ENOX1: variants seen among roughly 807,000 people sequenced by gnomAD.
ENOX1 encodes candidate growth-related and time keeping constitutive hydroquinone (NADH) oxidase.
ENOX1 carries 42 observed loss-of-function variants against 82.5 expected under a neutral mutation model. The observed-to-expected ratio is 0.51, with a 90% CI of 0.40 to 0.66. The LOEUF (loss-of-function observed/expected upper bound fraction) is 0.66. Ranked by LOEUF, ENOX1 falls within the 30% of genes least tolerant of loss-of-function variation. The pLI, the probability that ENOX1 is intolerant of heterozygous loss-of-function variation, is 0.00. For missense variants in ENOX1, 608 were observed against 811.6 expected (o/e 0.75, Z 3.05); for synonymous variants, 271 against 282.2 (o/e 0.96, Z 0.40).
Position 43,413,003 on chromosome 13 carries a change from A to C in ENOX1, c.-74-15T>G. 1.0e-5 allele frequency: 16 copies of C among 1,544,614 alleles called. No individual in the cohort carries two copies. Among genetic ancestry groups the C allele is most frequent in the Non-Finnish European group, 1.3e-5 (15 of 1,145,218 alleles). ...GTCATCAGATTCTGCAAAACGGGAC[A>C]GAAGTGTGGTGAGAAACCTTAATAG... On this transcript the variant is annotated splice_polypyrimidine_tract_variant and intron_variant, in intron 3 of 16. Coordinates refer to ENST00000690772, the MANE Select transcript of ENOX1 (RefSeq NM_001347969.2).
intron 2 of ENOX1, among the ~76,000 whole-genome samples, chr13:43,593,697 C>T: frequency 6.8e-6 from 1 of 147,020 alleles, no homozygotes; most frequent in Non-Finnish European, 1.5e-5. Flanking sequence ...CACACACACA[C>T]ACACACACAC....
chr13:43,482,491 T>C (rs1392866544), intron 3 of ENOX1, among the ~76,000 whole-genome samples: 10 of 150,908 alleles, frequency 6.6e-5, no homozygotes, highest in Non-Finnish European at 1.5e-4. Context: ...AAACAGGGAG[T>C]TGCTTTACAA....
At chr13:43,287,010 G>A (rs544282975) in intron 12 of ENOX1, among the ~76,000 whole-genome samples, 1 of 152,286 alleles carries the variant, frequency 6.6e-6, no homozygotes, top group Non-Finnish European at 1.5e-5. Flanking sequence ...AAGCCATGGT[G>A]TGGGGTTATA....
intron 12 of ENOX1, among the ~76,000 whole-genome samples, chr13:43,278,176 ATATG>A (rs2045171117): frequency 6.6e-6 from 1 of 152,194 alleles, no homozygotes; most frequent in African/African-American, 2.4e-5. Context: ...AGATTTAATA[ATATG>A]TATGTAATCT....
chr13:43,216,645 T>C lies in ENOX1; in HGVS notation c.1801-2524A>G, dbSNP rs7323458. 9.0e-3 allele frequency among the ~76,000 whole-genome samples: 1,369 copies of C among 152,146 alleles called. 17 individuals carry two copies. Among genetic ancestry groups the C allele is most frequent in the African/African-American group, 0.027 (1,141 of 41,496 alleles). ...TCAAATTCAAGTGCCACCCCTGGCA[T>C]GTCCTTCCCCAGATCAAGGAGAGGC... On this transcript the variant is annotated intron_variant, in intron 16 of 16. Transcript: ENST00000690772.
intron 2 of ENOX1, among the ~76,000 whole-genome samples, chr13:43,584,618 T>C (rs1010693721): frequency 1.3e-5 from 2 of 152,176 alleles, no homozygotes; most frequent in Non-Finnish European, 2.9e-5. Context: ...ACTTTCAATA[T>C]AAAGCAGTTA....
At chr13:43,437,113 A>T (rs2056077727) in intron 3 of ENOX1, among the ~76,000 whole-genome samples, 1 of 152,216 alleles carries the variant, frequency 6.6e-6, no homozygotes, top group South Asian at 2.1e-4. Flanking sequence ...ATATTTTTTA[A>T]AGTCTTCAAA....
chr13:43,345,843 G>C (rs2049345537), intron 8 of ENOX1, among the ~76,000 whole-genome samples: 1 of 152,088 alleles, frequency 6.6e-6, no homozygotes, highest in South Asian at 2.1e-4. Context: ...AGCAAAATTA[G>C]ATTGAAAGAT....
chr13:43,657,529 A>G (rs1009175217), intron 2 of ENOX1, among the ~76,000 whole-genome samples: 1 of 152,222 alleles, frequency 6.6e-6, no homozygotes, highest in Non-Finnish European at 1.5e-5. Flanking sequence ...GGCACTAGAA[A>G]CATCCATGGA....
chr13:43,259,474 C>CTTCT (rs2043932543), intron 14 of ENOX1, among the ~76,000 whole-genome samples: 1 of 152,052 alleles, frequency 6.6e-6, no homozygotes, highest in African/African-American at 2.4e-5. Context: ...GCTCATTTTC[C>CTTCT]TTCTTTTTTT....
chr13:43,470,286 A>ATATACACATATATATACG (rs2057951470), intron 3 of ENOX1, among the ~76,000 whole-genome samples: 1 of 33,210 alleles, frequency 3.0e-5, no homozygotes, highest in African/African-American at 7.9e-5. Context: ...ATATATACAT[A>ATATACACATATATATACG]TATATATACA....
intron 1 of ENOX1, among the ~76,000 whole-genome samples, chr13:43,784,320 G>A (rs1016940495): frequency 1.3e-5 from 2 of 152,106 alleles, no homozygotes; most frequent in Non-Finnish European, 2.9e-5. Flanking sequence ...GGAAATCAAG[G>A]TATGAACTAG....
chr13:43,624,434 AAT>A (rs1389569852), intron 2 of ENOX1, among the ~76,000 whole-genome samples: 14 of 152,192 alleles, frequency 9.2e-5, no homozygotes, highest in African/African-American at 3.4e-4. Flanking sequence ...AATGAAGTGA[AAT>A]TTTTCCTTGC....
intron 2 of ENOX1, among the ~76,000 whole-genome samples, chr13:43,628,289 C>T (rs564766925): frequency 6.6e-6 from 1 of 152,204 alleles, no homozygotes; most frequent in East Asian, 1.9e-4. Context: ...TCATTATTTG[C>T]TTATCATTAT....
At chr13:43,539,205 A>G (rs1375926254) in intron 2 of ENOX1, among the ~76,000 whole-genome samples, 1 of 151,968 alleles carries the variant, frequency 6.6e-6, no homozygotes, top group East Asian at 1.9e-4. Context: ...TCTCCTCGTT[A>G]CTTTCCTTCT....
At chr13:43,241,401 T>C (rs766607372) in intron 14 of ENOX1, among the ~76,000 whole-genome samples, 1 of 151,572 alleles carries the variant, frequency 6.6e-6, no homozygotes, top group Non-Finnish European at 1.5e-5. Context: ...AGTGAGTGAG[T>C]GGGGATGGAG....
intron 1 of ENOX1, among the ~76,000 whole-genome samples, chr13:43,756,722 T>C (rs539022632): frequency 1.3e-5 from 2 of 152,048 alleles, no homozygotes; most frequent in Non-Finnish European, 2.9e-5. Flanking sequence ...CCAGAAGCAG[T>C]TGAGCTGAAA....
At chr13:43,606,643 A>G (rs1381101572) in intron 2 of ENOX1, among the ~76,000 whole-genome samples, 1 of 152,148 alleles carries the variant, frequency 6.6e-6, no homozygotes, top group Admixed American at 6.6e-5. Context: ...ATCACCAGAG[A>G]CTGGGAAGAA....
chr13:43,693,017 C>A (rs1352225272), intron 1 of ENOX1, among the ~76,000 whole-genome samples: 1 of 151,944 alleles, frequency 6.6e-6, no homozygotes, highest in Non-Finnish European at 1.5e-5. Flanking sequence ...AAAAGCTACA[C>A]CTATGTTATA....
Sources: gnomAD v4.1 joint callset for allele counts (sites outside exome capture counted in the v4.1 genomes callset) on GRCh38, gnomAD v4.1.1 for gene constraint, MANE v1.5 for transcripts, NCBI Gene and HGNC (gene_info 2026-07-23, HGNC 2026-07-21) for gene names.